The following FOXP1 variants were observed in gnomAD, a reference collection of about 807,000 sequenced individuals.
FOXP1 encodes forkhead box P1, also known as forkhead box protein P1.
FOXP1 carries 15 observed loss-of-function variants against 98.2 expected under a neutral mutation model. The ratio of observed to expected loss-of-function variants is 0.15; its 90% CI spans 0.10 to 0.24. FOXP1 has a LOEUF of 0.24. FOXP1 is among the 10% of genes least tolerant of loss of function. The pLI is 1.00. For missense variants in FOXP1, 633 were observed against 848.5 expected (o/e 0.75, Z 3.15); for synonymous variants, 371 against 314.5 (o/e 1.18, Z -1.90).
At chr3:71,289,698 G>C (rs564684291) in intron 5 of FOXP1, 22 of 151,402 alleles carry the variant, frequency 1.5e-4, no homozygotes, top group African/African-American at 4.6e-4. Context: ...TCAGGCTAGA[G>C]TATTGTGATG....
intron 5 of FOXP1, among the ~76,000 whole-genome samples, chr3:71,293,487 A>C (rs1012517069): frequency 6.6e-6 from 1 of 152,140 alleles, no homozygotes; most frequent in Non-Finnish European, 1.5e-5. Flanking sequence ...CTTAAAAAAA[A>C]AAAAAAGATA....
intron 2 of FOXP1, among the ~76,000 whole-genome samples, chr3:71,530,062 T>C (rs1352172302): frequency 1.3e-5 from 2 of 152,170 alleles, no homozygotes; most frequent in Non-Finnish European, 2.9e-5. Flanking sequence ...TCCAGGTAGA[T>C]GGTGTCAGAA....
chr3:70,966,177 A>G, intron 19 of FOXP1, 121 bp from the exon 20 acceptor site: 3 of 935,544 alleles, frequency 3.2e-6, no homozygotes, highest in Non-Finnish European at 5.1e-6. Context: ...TGGCAAATAC[A>G]AGTTTCTAAG....
Position 71,208,536 on chromosome 3 carries a change from T to TTGTGTGTGTGTGTGTGTGTGTGTGTG in FOXP1, c.-11-10170_-11-10145dup, listed in dbSNP as rs1553780525. 1.0e-2 allele frequency among the ~76,000 whole-genome samples: 1,490 copies of TTGTGTGTGTGTGTGTGTGTGTGTGTG among 149,208 alleles called. 13 individuals carry two copies. The highest frequency in any genetic ancestry group is 0.022 in the East Asian group (112 of 5,006). On this transcript the variant is annotated intron_variant, in intron 5 of 20. Coordinates refer to ENST00000649528, the MANE Select transcript of FOXP1 (RefSeq NM_001349338.3). ...TTTATCAAAATTCTAGCATTTAAGT[T>TTGTGTGTGTGTGTGTGTGTGTGTGTG]TGTGTGTGTGTGTGTGTGTGTGTGT...
intron 17 of FOXP1, among the ~76,000 whole-genome samples, chr3:70,975,684 C>T (rs796923097): frequency 1.3e-5 from 2 of 152,222 alleles, no homozygotes; most frequent in African/African-American, 4.8e-5. Flanking sequence ...TCACATGTCT[C>T]TAAATGTTTT....
chr3:71,255,666 G>A (rs1249566873), intron 5 of FOXP1, among the ~76,000 whole-genome samples: 2 of 152,154 alleles, frequency 1.3e-5, no homozygotes, highest in Non-Finnish European at 2.9e-5. Flanking sequence ...AATTTGACTT[G>A]TAAGTCTGAT....
intron 6 of FOXP1, among the ~76,000 whole-genome samples, chr3:71,185,909 T>C (rs1374357551): frequency 1.3e-5 from 2 of 152,184 alleles, no homozygotes; most frequent in African/African-American, 2.4e-5. Flanking sequence ...CCCACCAACA[T>C]AGACACAGAT....
intron 3 of FOXP1, among the ~76,000 whole-genome samples, chr3:71,477,746 A>C (rs2106797297): frequency 6.6e-6 from 1 of 152,332 alleles, no homozygotes; most frequent in Middle Eastern, 3.4e-3. Context: ...AAATCCTGTC[A>C]GATTATTCAA....
chr3:71,577,447 A>AT (rs1323676286), intron 2 of FOXP1, among the ~76,000 whole-genome samples: 1 of 152,112 alleles, frequency 6.6e-6, no homozygotes, highest in African/African-American at 2.4e-5. Flanking sequence ...CCAGGAAAAA[A>AT]AAAAAAGGAA....
chr3:71,020,587 A>C (rs879364029), intron 11 of FOXP1, among the ~76,000 whole-genome samples: 5 of 152,168 alleles, frequency 3.3e-5, no homozygotes, highest in African/African-American at 1.2e-4. Context: ...TTAGTCCTGT[A>C]AGCTAATTTC....
chr3:71,442,214 C>T (rs1359455340), intron 3 of FOXP1, among the ~76,000 whole-genome samples: 1 of 152,190 alleles, frequency 6.6e-6, no homozygotes, highest in African/African-American at 2.4e-5. Context: ...TAGCTCCATA[C>T]TGTAACACCC....
At chr3:71,389,685 C>CT (rs1406414381) in intron 3 of FOXP1, among the ~76,000 whole-genome samples, 1 of 152,178 alleles carries the variant, frequency 6.6e-6, no homozygotes, top group African/African-American at 2.4e-5. Flanking sequence ...GTTTAGGTAA[C>CT]AATGACTTTC....
At chr3:71,410,665 A>T (rs2082663497) in intron 3 of FOXP1, among the ~76,000 whole-genome samples, 1 of 152,204 alleles carries the variant, frequency 6.6e-6, no homozygotes, top group Non-Finnish European at 1.5e-5. Flanking sequence ...TTTTTTTAAA[A>T]TTTCCCCAAA....
chr3:71,047,983 CTGAG>C (rs2049267099), intron 9 of FOXP1, among the ~76,000 whole-genome samples: 1 of 152,124 alleles, frequency 6.6e-6, no homozygotes, highest in Non-Finnish European at 1.5e-5. Flanking sequence ...CAGTAATTAT[CTGAG>C]TGATAGAAAG....
chr3:71,198,980 C>T (rs892465403), intron 5 of FOXP1, among the ~76,000 whole-genome samples: 7 of 151,850 alleles, frequency 4.6e-5, no homozygotes, highest in African/African-American at 7.3e-5. Context: ...GCAGCCACTG[C>T]GCCGGGCCCA....
intron 2 of FOXP1, among the ~76,000 whole-genome samples, chr3:71,515,605 G>C (rs1464847182): frequency 6.6e-6 from 1 of 151,982 alleles, no homozygotes; most frequent in East Asian, 1.9e-4. Flanking sequence ...TTACTGCAAA[G>C]TCCCATAGTG....
intron 3 of FOXP1, among the ~76,000 whole-genome samples, chr3:71,388,552 TATTA>T (rs1176528900): frequency 6.6e-6 from 1 of 152,200 alleles, no homozygotes; most frequent in East Asian, 1.9e-4. Flanking sequence ...TAACACCGGT[TATTA>T]TTTTTTTAAC....
intron 6 of FOXP1, among the ~76,000 whole-genome samples, chr3:71,133,788 C>A (rs2059683989): frequency 6.6e-6 from 1 of 151,762 alleles, no homozygotes. Context: ...TTACATTGCA[C>A]CTGACATTTT....
At chr3:71,567,606 T>A (rs919465005) in intron 2 of FOXP1, among the ~76,000 whole-genome samples, 2 of 152,208 alleles carry the variant, frequency 1.3e-5, no homozygotes, top group Admixed American at 6.5e-5. Context: ...GCCCCAACTG[T>A]CCAATGCAGT....
Sources: allele counts gnomAD v4.1 joint callset (sites outside exome capture counted in the v4.1 genomes callset), GRCh38; gene constraint gnomAD v4.1.1; transcripts MANE v1.5; gene names NCBI Gene and HGNC (gene_info 2026-07-23, HGNC 2026-07-21).